Variants in LRRC4C observed in about 807,000 individuals in gnomAD.
LRRC4C encodes the protein leucine rich repeat containing 4C.
LRRC4C carries 5 observed loss-of-function variants against 33.6 expected under a neutral mutation model. That is an observed-to-expected ratio of 0.15 (90% CI 0.08 to 0.31). The LOEUF is 0.31. Among genes scored for constraint, LRRC4C ranks in the 10% least tolerant of loss-of-function variants. LRRC4C has a pLI of 1.00. For synonymous variants in LRRC4C, 329 were observed against 302.0 expected (o/e 1.09, Z -0.93); for missense variants, 560 against 796.7 (o/e 0.70, Z 3.58).
At chr11:40,297,308 C>A (rs1256930347) in intron 4 of LRRC4C, among the ~76,000 whole-genome samples, 4 of 152,136 alleles carry the variant, frequency 2.6e-5, no homozygotes, top group Non-Finnish European at 5.9e-5. Flanking sequence ...AATAGTATTA[C>A]ATAGGGACCA....
At chr11:41,066,516 T>A (rs181887920) in intron 1 of LRRC4C, among the ~76,000 whole-genome samples, 165 of 152,098 alleles carry the variant, frequency 1.1e-3, no homozygotes, top group South Asian at 3.7e-3. Flanking sequence ...GAGGAGAACT[T>A]CCCCAACCTA....
intron 1 of LRRC4C, among the ~76,000 whole-genome samples, chr11:41,374,123 C>T (rs1952854426): frequency 6.6e-6 from 1 of 152,284 alleles, no homozygotes; most frequent in African/African-American, 2.4e-5. Flanking sequence ...ACTTGGGACA[C>T]AAACTGCCTT....
At chr11:40,602,886 T>C (rs1397782411) in intron 3 of LRRC4C, among the ~76,000 whole-genome samples, 1 of 152,174 alleles carries the variant, frequency 6.6e-6, no homozygotes, top group Non-Finnish European at 1.5e-5. Flanking sequence ...ATTTTGGTCA[T>C]TGGCCCAAGA....
intron 1 of LRRC4C, among the ~76,000 whole-genome samples, chr11:41,352,428 C>T (rs1952014866): frequency 6.6e-6 from 1 of 152,014 alleles, no homozygotes; most frequent in Admixed American, 6.6e-5. Context: ...TGGGAGACTT[C>T]AACACCCCAC....
chr11:41,147,297 A>C (rs1943769689), intron 1 of LRRC4C, among the ~76,000 whole-genome samples: 1 of 152,240 alleles, frequency 6.6e-6, no homozygotes, highest in Admixed American at 6.5e-5. Context: ...TAAAAAACAC[A>C]GGCTATTCAT....
intron 2 of LRRC4C, among the ~76,000 whole-genome samples, chr11:40,728,625 C>CAAAA (rs60355454): frequency 0.034 from 1,738 of 51,214 alleles, 48 homozygotes; most frequent in Middle Eastern, 0.047. Context: ...GACTCCGTCT[C>CAAAA]AAAAAAAAAA....
At chr11:40,601,268 G>A (rs761489097) in intron 3 of LRRC4C, among the ~76,000 whole-genome samples, 6 of 152,034 alleles carry the variant, frequency 3.9e-5, no homozygotes, top group Non-Finnish European at 8.8e-5. Context: ...CTCCTGCTGA[G>A]AATTCTCTTC....
chr11:41,273,193 G>A (rs910971701), intron 1 of LRRC4C, among the ~76,000 whole-genome samples: 1 of 152,114 alleles, frequency 6.6e-6, no homozygotes, highest in African/African-American at 2.4e-5. Context: ...CACTACTGAT[G>A]GGAATGTAGA....
chr11:41,150,566 C>A (rs1445118704), intron 1 of LRRC4C, among the ~76,000 whole-genome samples: 1 of 151,836 alleles, frequency 6.6e-6, no homozygotes, highest in Non-Finnish European at 1.5e-5. Flanking sequence ...CCAAGGTGGG[C>A]GGATCACGAG....
intron 1 of LRRC4C, among the ~76,000 whole-genome samples, chr11:41,028,280 T>G (rs931805046): frequency 6.6e-6 from 1 of 151,588 alleles, no homozygotes; most frequent in African/African-American, 2.4e-5. Flanking sequence ...TAAAAAAATA[T>G]TCTACAAACA....
intron 2 of LRRC4C, among the ~76,000 whole-genome samples, chr11:40,931,432 T>C (rs1207501071): frequency 1.3e-5 from 2 of 152,202 alleles, no homozygotes; most frequent in Non-Finnish European, 2.9e-5. Flanking sequence ...TGCTTATATA[T>C]GTTTAATAAG....
At chr11:41,292,314 A>G (rs1251906546) in intron 1 of LRRC4C, among the ~76,000 whole-genome samples, 1 of 152,100 alleles carries the variant, frequency 6.6e-6, no homozygotes, top group Non-Finnish European at 1.5e-5. Flanking sequence ...TTTTCTCAAT[A>G]AGGACTACTC....
chr11:40,971,181 G>T (rs1397179142), intron 1 of LRRC4C, among the ~76,000 whole-genome samples: 3 of 152,202 alleles, frequency 2.0e-5, no homozygotes, highest in African/African-American at 7.2e-5. Context: ...GGCAATGGAG[G>T]AAAGGCCTCA....
At chr11:40,863,589 C>T (rs1015848479) in intron 2 of LRRC4C, among the ~76,000 whole-genome samples, 2 of 152,094 alleles carry the variant, frequency 1.3e-5, no homozygotes, top group African/African-American at 4.8e-5. Context: ...AAGGAAGAGG[C>T]TTTCTCTAAG....
At chr11:40,896,662 T>A (rs1291616598) in intron 2 of LRRC4C, among the ~76,000 whole-genome samples, 2 of 151,882 alleles carry the variant, frequency 1.3e-5, no homozygotes, top group Non-Finnish European at 2.9e-5. Context: ...TGTGTGTACA[T>A]GCAAATATAT....
At chr11:41,167,266 C>A (rs1195546401) in intron 1 of LRRC4C, among the ~76,000 whole-genome samples, 2 of 152,166 alleles carry the variant, frequency 1.3e-5, no homozygotes, top group African/African-American at 4.8e-5. Flanking sequence ...ACTTTCCCAG[C>A]ACTACAACCT....
chr11:40,735,769 C>A (rs1947832578), intron 2 of LRRC4C, among the ~76,000 whole-genome samples: 1 of 149,360 alleles, frequency 6.7e-6, no homozygotes. Context: ...GTTTACAGTC[C>A]CACCAACAGC....
intron 2 of LRRC4C, among the ~76,000 whole-genome samples, chr11:40,768,552 C>T (rs541013916): frequency 7.2e-5 from 11 of 152,146 alleles, no homozygotes; most frequent in South Asian, 2.1e-4. Context: ...AAGAAACAGG[C>T]CAATATCCTT....
intron 3 of LRRC4C, among the ~76,000 whole-genome samples, chr11:40,547,488 G>A (rs76421690): frequency 0.094 from 14,256 of 151,996 alleles, 798 homozygotes; most frequent in Middle Eastern, 0.15. Context: ...GAAATGACCC[G>A]TTTCATTTTA....
Sources: allele counts gnomAD v4.1 joint callset (sites outside exome capture counted in the v4.1 genomes callset), GRCh38; gene constraint gnomAD v4.1.1; transcripts MANE v1.5; gene names NCBI Gene and HGNC (gene_info 2026-07-23, HGNC 2026-07-21).